Variants in PRDM16 observed in about 807,000 individuals in gnomAD.
PRDM16 encodes PR/SET domain 16.
PRDM16 carries 23 observed loss-of-function variants against 110.6 expected under a neutral mutation model. The observed-to-expected ratio is 0.21, with a 90% confidence interval of 0.15 to 0.29. PRDM16 has a LOEUF of 0.29. PRDM16 is among the 10% of genes least tolerant of loss of function. The probability of loss-of-function intolerance (pLI) is 1.00; values close to 1 mark genes in which losing one functional copy is unlikely to be tolerated. For synonymous variants in PRDM16, 799 were observed against 781.8 expected (o/e 1.02, Z -0.37); for missense variants, 1,615 against 1,794.3 (o/e 0.90, Z 1.81).
At chr1:3,228,623 T>C (rs1196350345) in intron 2 of PRDM16, among the ~76,000 whole-genome samples, 1 of 152,214 alleles carries the variant, frequency 6.6e-6, no homozygotes, top group East Asian at 1.9e-4. Context: ...ACGTTGCAGC[T>C]GCCCCAGCTG....
At chr1:3,096,715 C>T (rs550154534) in intron 1 of PRDM16, among the ~76,000 whole-genome samples, 19 of 152,262 alleles carry the variant, frequency 1.2e-4, no homozygotes, top group Admixed American at 3.9e-4. Context: ...CCAAGGCTTC[C>T]GGAGCAGGGG....
chr1:3,226,566 CTT>C (rs1639293299), intron 2 of PRDM16, among the ~76,000 whole-genome samples: 1 of 152,178 alleles, frequency 6.6e-6, no homozygotes, highest in Admixed American at 6.5e-5. Flanking sequence ...AATTAATACT[CTT>C]GAGTTGGATT....
intron 1 of PRDM16, among the ~76,000 whole-genome samples, chr1:3,101,254 C>T (rs892974085): frequency 4.6e-5 from 7 of 152,192 alleles, no homozygotes; most frequent in African/African-American, 9.7e-5. Flanking sequence ...TCCCATCCAA[C>T]GCACCTCAGC....
chr1:3,403,878 G>A (rs747009670), intron 6 of PRDM16, among the ~76,000 whole-genome samples: 11 of 152,316 alleles, frequency 7.2e-5, no homozygotes, highest in South Asian at 2.1e-4. Context: ...GCCCATCCCC[G>A]CACCGCTCCC....
In PRDM16 at chr1:3,412,062, G is replaced by C. The variant is rs1314142023; in HGVS notation, c.1865G>C (p.Gly622Ala). Residue 622 changes from glycine (G) to alanine (A), a missense_variant, in exon 9 of 17, where the codon GGC becomes GCC. Around this residue, in one of 5 missense-constraint regions of PRDM16, gnomAD observed 772 missense variants for 748.3 expected, o/e 1.03. Transcript: ENST00000270722. ...GTDLDTTTGT[G>A]SDLDSDVDSD... ...GACCTGGACACGACCACGGGGACGG[G>C]CTCGGACCTGGACAGCGACGTGGAC... 6.2e-7 allele frequency: 1 copy of C among 1,608,208 alleles called. No homozygotes were observed. Among genetic ancestry groups the C allele is most frequent in the African/African-American group, 1.3e-5 (1 of 74,946 alleles).
chr1:3,371,963 GC>G (rs1642915498), intron 3 of PRDM16, among the ~76,000 whole-genome samples: 2 of 152,260 alleles, frequency 1.3e-5, no homozygotes, highest in African/African-American at 4.8e-5. Context: ...GCTCTGCATA[GC>G]ACTGGCCTCT....
chr1:3,240,830 C>A lies in PRDM16; in HGVS notation c.388-3257C>A, dbSNP rs1433871318. On this transcript the variant is annotated intron_variant, in intron 2 of 16. Transcript: ENST00000270722. Reference sequence around the variant, plus strand: ...TTAAGAGTCAAAAAAGAGGTTCTGACCAACCCCACTTAGCTAAATCCTGGC... The same window carrying A: ...TTAAGAGTCAAAAAAGAGGTTCTGAACAACCCCACTTAGCTAAATCCTGGC... Among the ~76,000 whole-genome samples, 5 of 152,372 alleles carry A rather than the reference C, an allele frequency of 3.3e-5. No homozygotes were observed. The East Asian group carries it at 9.6e-4, about 29-fold the overall frequency.
intron 1 of PRDM16, among the ~76,000 whole-genome samples, chr1:3,108,099 G>A (rs1412576945): frequency 3.9e-5 from 6 of 152,244 alleles, no homozygotes; most frequent in Non-Finnish European, 8.8e-5. Context: ...TCCACAGCCT[G>A]GGAGATGCAG....
At chr1:3,417,649 G>A (rs1186332161) in intron 10 of PRDM16, among the ~76,000 whole-genome samples, 179 bp from the exon 11 acceptor site, 2 of 152,212 alleles carry the variant, frequency 1.3e-5, no homozygotes, top group African/African-American at 4.8e-5. Context: ...GAGCAGGGCT[G>A]ACTACAGAAA....
chr1:3,279,513 T>C (rs547233282), intron 3 of PRDM16, among the ~76,000 whole-genome samples: 1 of 152,354 alleles, frequency 6.6e-6, no homozygotes, highest in South Asian at 2.1e-4. Flanking sequence ...CAGGCTGGCT[T>C]CCTTCTGAGC....
chr1:3,120,613 T>G (rs1334103169), intron 1 of PRDM16, among the ~76,000 whole-genome samples: 1 of 152,106 alleles, frequency 6.6e-6, no homozygotes, highest in Non-Finnish European at 1.5e-5. Flanking sequence ...TCCCTGCCCC[T>G]GTCCCCGGCA....
chr1:3,074,908 C>T (rs955899114), intron 1 of PRDM16, among the ~76,000 whole-genome samples: 4 of 152,238 alleles, frequency 2.6e-5, no homozygotes, highest in Non-Finnish European at 5.9e-5. Context: ...TCCAGCCTGG[C>T]GTGGGCCACG....
At chr1:3,103,229 C>T (rs1400807347) in intron 1 of PRDM16, among the ~76,000 whole-genome samples, 1 of 152,172 alleles carries the variant, frequency 6.6e-6, no homozygotes, top group Admixed American at 6.5e-5. Flanking sequence ...TTTGTTTTTT[C>T]AAAACAAAGG....
rs974851395 is a variant in PRDM16, at chr1:3,358,514, G to C, written c.439-26638G>C. Among the ~76,000 whole-genome samples, 1 of 152,274 alleles carries C rather than the reference G, an allele frequency of 6.6e-6. No homozygotes were observed. The highest frequency in any genetic ancestry group is 1.9e-4 in the East Asian group (1 of 5,178). On this transcript the variant is annotated intron_variant, in intron 3 of 16. Transcript: ENST00000270722. The surrounding 1 kb of genome is among the most constrained non-coding windows in gnomAD (Gnocchi z 4.0). ...GCGGCTTCGGATGCAGCTGGAATAAGGTTCCAGTGTTCCCTTTCCCGTCAC... is the reference window on the plus strand; with the variant it reads ...GCGGCTTCGGATGCAGCTGGAATAACGTTCCAGTGTTCCCTTTCCCGTCAC...
intron 1 of PRDM16, among the ~76,000 whole-genome samples, chr1:3,114,204 CACACACGCACACGA>C (rs1267400320): frequency 7.1e-5 from 7 of 98,996 alleles, no homozygotes; most frequent in East Asian, 4.4e-4. Flanking sequence ...CACACGCACG[CACACACGCACACGA>C]ACACACACGC....
intron 3 of PRDM16, among the ~76,000 whole-genome samples, chr1:3,374,805 C>T (rs1642964842): frequency 6.6e-6 from 1 of 152,214 alleles, no homozygotes; most frequent in African/African-American, 2.4e-5. Flanking sequence ...GCCAGAGGTG[C>T]TTGTACTTCT....
At chr1:3,427,981 C>T (rs764056864) in intron 14 of PRDM16, among the ~76,000 whole-genome samples, 9 of 152,202 alleles carry the variant, frequency 5.9e-5, no homozygotes, top group African/African-American at 1.4e-4. Flanking sequence ...GCCTTACCTA[C>T]GCCCCACAGC....
At chr1:3,296,043 CT>C (rs1641082824) in intron 3 of PRDM16, among the ~76,000 whole-genome samples, 2 of 152,208 alleles carry the variant, frequency 1.3e-5, no homozygotes, top group Non-Finnish European at 1.5e-5. Flanking sequence ...CCATCCTAAG[CT>C]GGGGACTTGC....
intron 1 of PRDM16, among the ~76,000 whole-genome samples, chr1:3,152,557 CT>C (rs1389544995): frequency 6.6e-6 from 1 of 152,216 alleles, no homozygotes; most frequent in Non-Finnish European, 1.5e-5. Flanking sequence ...GTTCTGACCT[CT>C]TTTATAGAGA....
Sources: gnomAD v4.1 joint callset for allele counts (sites outside exome capture counted in the v4.1 genomes callset) on GRCh38, gnomAD v4.1.1 for gene constraint, gnomAD v4.1.1 regional missense constraint, Gnocchi (gnomAD v3.1) non-coding constraint, MANE v1.5 for transcripts, NCBI Gene and HGNC (gene_info 2026-07-23, HGNC 2026-07-21) for gene names.